The following ADAM23 variants were observed in gnomAD, a reference collection of about 807,000 sequenced individuals.
The protein encoded by ADAM23 is ADAM metallopeptidase domain 23, also known as disintegrin and metalloproteinase domain-containing protein 23.
Under a neutral mutation model 120.1 loss-of-function variants are expected in ADAM23, and 33 were observed. The ratio of observed to expected loss-of-function variants is 0.27; its 90% CI spans 0.21 to 0.37. The LOEUF is 0.37. Among genes scored for constraint, ADAM23 ranks in the 10% least tolerant of loss-of-function variants. The pLI is 1.00. For missense variants in ADAM23, 862 were observed against 1,058.2 expected (o/e 0.81, Z 2.57); for synonymous variants, 367 against 375.2 (o/e 0.98, Z 0.25).
chr2:206,506,423 G>T (rs375492465), intron 3 of ADAM23, among the ~76,000 whole-genome samples: 5 of 152,160 alleles, frequency 3.3e-5, no homozygotes, highest in African/African-American at 1.2e-4. Context: ...GAAATGTAGT[G>T]GGCTAAGCCT....
At chr2:206,556,888 A>G (rs974072973) in intron 9 of ADAM23, among the ~76,000 whole-genome samples, 12 of 152,124 alleles carry the variant, frequency 7.9e-5, no homozygotes, top group African/African-American at 2.7e-4. Context: ...CATTTTCTTG[A>G]TCTGTGCGTG....
intron 2 of ADAM23, among the ~76,000 whole-genome samples, chr2:206,455,150 G>A (rs997819756): frequency 1.3e-5 from 2 of 152,328 alleles, no homozygotes; most frequent in East Asian, 1.9e-4. Flanking sequence ...CAGGTGTTTC[G>A]TACATCCTCT....
chr2:206,585,672 T>C (rs1243488682), intron 18 of ADAM23, among the ~76,000 whole-genome samples: 1 of 152,210 alleles, frequency 6.6e-6, no homozygotes, highest in Non-Finnish European at 1.5e-5. Flanking sequence ...ACCTGCCACA[T>C]GCCTGGTGTT....
At chr2:206,477,893 A>ATATATATATATATAT (rs1199167461) in intron 2 of ADAM23, among the ~76,000 whole-genome samples, 69 of 101,162 alleles carry the variant, frequency 6.8e-4, no homozygotes, top group East Asian at 1.5e-3. Context: ...AAAAAAAAAA[A>ATATATATATATATAT]AAAAATATAT....
At chr2:206,482,544 A>G (rs1026917261) in intron 3 of ADAM23, among the ~76,000 whole-genome samples, 2 of 152,166 alleles carry the variant, frequency 1.3e-5, no homozygotes, top group African/African-American at 4.8e-5. Context: ...AGAGCCTCCC[A>G]GTCAATTAGT....
chr2:206,532,096 A>T (rs1574517039), intron 4 of ADAM23, among the ~76,000 whole-genome samples: 1 of 152,172 alleles, frequency 6.6e-6, no homozygotes, highest in East Asian at 1.9e-4. Flanking sequence ...CCTAAAAGTT[A>T]GTGCTGTGGA....
At chr2:206,563,530 A>C (rs1008100663) in intron 13 of ADAM23, among the ~76,000 whole-genome samples, 1 of 152,094 alleles carries the variant, frequency 6.6e-6, no homozygotes, top group African/African-American at 2.4e-5. Flanking sequence ...AAGTGTTTAG[A>C]GTTTCACCAT....
intron 7 of ADAM23, 129 bp from the exon 8 acceptor site, chr2:206,548,152 A>G (rs756864937): frequency 2.7e-6 from 2 of 732,526 alleles, no homozygotes; most frequent in Non-Finnish European, 2.2e-6. Context: ...ATATATAATG[A>G]TCAGTGTGCT....
chr2:206,590,258 C>T lies in ADAM23; in HGVS notation c.1958+744C>T, dbSNP rs916001945. Among the ~76,000 whole-genome samples, 22 of 152,058 alleles carry T rather than the reference C, an allele frequency of 1.4e-4. 1 individual carries two copies. Among genetic ancestry groups the T allele is most frequent in the South Asian group, 4.1e-4 (2 of 4,820 alleles). On this transcript the variant is annotated intron_variant, in intron 21 of 25. Coordinates refer to ENST00000264377, the MANE Select transcript of ADAM23 (RefSeq NM_003812.4). ...GATTACAGGCATCTGCCACCATGCC[C>T]GGCTACTTTTTGTATTTTTAGTAGA... is the stretch of plus-strand genomic sequence containing the variant.
intron 24 of ADAM23, among the ~76,000 whole-genome samples, chr2:206,598,366 TC>T (rs1338699794): frequency 1.3e-5 from 2 of 152,174 alleles, no homozygotes; most frequent in African/African-American, 4.8e-5. Flanking sequence ...TATTCCCTGT[TC>T]CTTCACCCAC....
intron 21 of ADAM23, among the ~76,000 whole-genome samples, chr2:206,591,988 A>G (rs1698434351): frequency 6.6e-6 from 1 of 152,112 alleles, no homozygotes; most frequent in South Asian, 2.1e-4. Context: ...CCCATTTTTT[A>G]GGAGTCATTG....
At chr2:206,491,482 A>G (rs1696133844) in intron 3 of ADAM23, among the ~76,000 whole-genome samples, 1 of 152,220 alleles carries the variant, frequency 6.6e-6, no homozygotes. Flanking sequence ...TGACTGGTGG[A>G]TAAAAGGAGA....
intron 15 of ADAM23, 30 bp from the exon 16 acceptor site, chr2:206,570,710 A>G (rs369430119): frequency 2.7e-5 from 43 of 1,587,912 alleles, no homozygotes; most frequent in South Asian, 5.5e-5. Context: ...AAATTGAAAC[A>G]TTTTTCCCTT....
At chr2:206,458,505 C>G (rs1356637681) in intron 2 of ADAM23, among the ~76,000 whole-genome samples, 2 of 152,196 alleles carry the variant, frequency 1.3e-5, no homozygotes, top group African/African-American at 4.8e-5. Flanking sequence ...CACATGATGT[C>G]TCAGAGGCTG....
At chr2:206,495,268 C>T (rs1183003294) in intron 3 of ADAM23, among the ~76,000 whole-genome samples, 2 of 152,156 alleles carry the variant, frequency 1.3e-5, no homozygotes, top group African/African-American at 4.8e-5. Flanking sequence ...AGGTTACCCA[C>T]AAAGGGAAGC....
intron 3 of ADAM23, among the ~76,000 whole-genome samples, chr2:206,511,500 T>G (rs1247841031): frequency 2.0e-5 from 3 of 152,102 alleles, no homozygotes; most frequent in African/African-American, 7.2e-5. Flanking sequence ...GTTTGGAGTT[T>G]GTTGTTTTGA....
At chr2:206,468,558 C>T (rs1695588474) in intron 2 of ADAM23, among the ~76,000 whole-genome samples, 1 of 152,208 alleles carries the variant, frequency 6.6e-6, no homozygotes. Context: ...CTGTTCATGT[C>T]ACTATGAGCA....
chr2:206,448,297 C>T (rs1352619253), intron 2 of ADAM23, among the ~76,000 whole-genome samples: 3 of 152,176 alleles, frequency 2.0e-5, no homozygotes, highest in African/African-American at 7.2e-5. Context: ...ATTCAAGATT[C>T]TTTAAAGACA....
In ADAM23 at chr2:206,571,797, G is replaced by A. The variant is rs1161750222; in HGVS notation, c.1637G>A (p.Cys546Tyr). ...NGAHCSDGPC[C>Y]NNTSCLFQPR... ...GCTCACTGCAGCGACGGGCCCTGCTGTAACAATACCTCATGTCTTGTGAGT... is the reference window on the plus strand; with the variant it reads ...GCTCACTGCAGCGACGGGCCCTGCTATAACAATACCTCATGTCTTGTGAGT... The change falls in exon 17 of 26, where the codon TGT becomes TAT. Residue 546 changes from cysteine to tyrosine, a missense_variant. Coordinates refer to ENST00000264377, the MANE Select transcript of ADAM23 (RefSeq NM_003812.4). 2 of 1,613,896 alleles carry A rather than the reference G, an allele frequency of 1.2e-6. No homozygotes were observed. The highest frequency in any genetic ancestry group is 1.7e-6 in the Non-Finnish European group (2 of 1,179,894).
Sources: allele counts gnomAD v4.1 joint callset (sites outside exome capture counted in the v4.1 genomes callset), GRCh38; gene constraint gnomAD v4.1.1; transcripts MANE v1.5; gene names NCBI Gene and HGNC (gene_info 2026-07-23, HGNC 2026-07-21).